CNTNAP2: variants seen among roughly 807,000 people sequenced by gnomAD.
The protein encoded by CNTNAP2 is contactin associated protein 2, also known as contactin-associated protein-like 2.
Under a neutral mutation model 155.2 loss-of-function variants are expected in CNTNAP2, and 98 were observed. That is an observed-to-expected ratio of 0.63 (90% CI 0.54 to 0.75). The LOEUF is 0.75. CNTNAP2 is among the 30% of genes least tolerant of loss of function. The pLI is 0.00. For synonymous variants in CNTNAP2, 651 were observed against 631.2 expected (o/e 1.03, Z -0.47); for missense variants, 1,727 against 1,688.1 (o/e 1.02, Z -0.40).
At chr7:148,229,350 C>T (rs1268763719) in intron 19 of CNTNAP2, among the ~76,000 whole-genome samples, 5 of 152,016 alleles carry the variant, frequency 3.3e-5, no homozygotes, top group Non-Finnish European at 7.4e-5. Context: ...ATGGTGAAAC[C>T]CCCATCACTA....
intron 1 of CNTNAP2, among the ~76,000 whole-genome samples, chr7:146,457,541 C>G (rs1480305584): frequency 3.3e-5 from 4 of 121,490 alleles, no homozygotes; most frequent in African/African-American, 1.2e-4. Context: ...TATATAGTCA[C>G]CCAGGCTGGA....
intron 13 of CNTNAP2, among the ~76,000 whole-genome samples, chr7:147,897,674 G>A (rs1351905895): frequency 6.6e-6 from 1 of 152,158 alleles, no homozygotes; most frequent in African/African-American, 2.4e-5. Context: ...AACATGGCCA[G>A]AGATGGAATC....
chr7:147,738,112 C>T (rs6979848), intron 13 of CNTNAP2, among the ~76,000 whole-genome samples: 4,336 of 152,216 alleles, frequency 0.028, 170 homozygotes, highest in African/African-American at 0.094. Context: ...GTGTCACTTA[C>T]GCTGGGAGCT....
chr7:147,267,063 T>C (rs547135188), intron 8 of CNTNAP2, among the ~76,000 whole-genome samples: 21 of 152,352 alleles, frequency 1.4e-4, no homozygotes, highest in Non-Finnish European at 2.4e-4. Flanking sequence ...TTCTATGGCC[T>C]CTTGGCTTTC....
At chr7:146,824,901 A>G in intron 2 of CNTNAP2, among the ~76,000 whole-genome samples, 1 of 147,730 alleles carries the variant, frequency 6.8e-6, no homozygotes. Flanking sequence ...TATTTTCTCT[A>G]CATTGTCATT....
intron 22 of CNTNAP2, among the ~76,000 whole-genome samples, chr7:148,402,199 G>T (rs1385088475): frequency 1.3e-5 from 2 of 152,128 alleles, no homozygotes; most frequent in African/African-American, 4.8e-5. Flanking sequence ...CATGAAAGCA[G>T]CTGCCACTTT....
intron 3 of CNTNAP2, among the ~76,000 whole-genome samples, chr7:146,886,307 C>G (rs1182630096): frequency 6.7e-6 from 1 of 149,978 alleles, no homozygotes; most frequent in African/African-American, 2.4e-5. Flanking sequence ...ATCTTTATAC[C>G]AAGATAGCAC....
intron 16 of CNTNAP2, among the ~76,000 whole-genome samples, chr7:148,118,967 G>GGTTA (rs1804538335): frequency 6.6e-6 from 1 of 152,190 alleles, no homozygotes; most frequent in African/African-American, 2.4e-5. Flanking sequence ...GGAAGGTGGG[G>GGTTA]GTTAGCTGCA....
intron 8 of CNTNAP2, among the ~76,000 whole-genome samples, chr7:147,213,293 A>T (rs1803197063): frequency 6.6e-6 from 1 of 152,162 alleles, no homozygotes; most frequent in South Asian, 2.1e-4. Context: ...CAATGGATTA[A>T]ATAATGTCTA....
In CNTNAP2 at chr7:147,893,652, T is replaced by C. The variant is rs368561740; in HGVS notation, c.2099-9913T>C. Among the ~76,000 whole-genome samples the C allele has an allele frequency of 5.3e-5, 8 of 152,300 alleles. No individual in the cohort carries two copies. The East Asian group carries it at 7.7e-4, about 15-fold the overall frequency. On this transcript the variant is annotated intron_variant, in intron 13 of 23. Coordinates refer to ENST00000361727, the MANE Select transcript of CNTNAP2 (RefSeq NM_014141.6). ...TGTTTACAAGATCTTAGTGGAATCA[T>C]AGGGAAATTGAAAACCCTTCCCTAT...
chr7:146,660,766 A>T (rs577579430), intron 1 of CNTNAP2, among the ~76,000 whole-genome samples: 1 of 152,316 alleles, frequency 6.6e-6, no homozygotes, highest in South Asian at 2.1e-4. Context: ...AACAAATGTT[A>T]TATCTTTTAT....
intron 14 of CNTNAP2, among the ~76,000 whole-genome samples, chr7:147,949,114 T>C (rs1800874903): frequency 1.3e-5 from 2 of 151,248 alleles, no homozygotes; most frequent in Admixed American, 1.3e-4. Flanking sequence ...GGCAGGAGAA[T>C]CGCTTGAACC....
intron 8 of CNTNAP2, among the ~76,000 whole-genome samples, chr7:147,235,520 T>C (rs1344036462): frequency 6.6e-6 from 1 of 152,200 alleles, no homozygotes; most frequent in East Asian, 1.9e-4. Context: ...GTGGAGGTAC[T>C]TTGAAATATA....
chr7:146,165,605 A>C (rs1798300548), intron 1 of CNTNAP2, among the ~76,000 whole-genome samples: 1 of 152,194 alleles, frequency 6.6e-6, no homozygotes, highest in African/African-American at 2.4e-5. Context: ...TTTAAATTGC[A>C]CTATGGCTTT....
At chr7:147,815,112 A>T (rs1176446130) in intron 13 of CNTNAP2, among the ~76,000 whole-genome samples, 1 of 152,178 alleles carries the variant, frequency 6.6e-6, no homozygotes, top group Non-Finnish European at 1.5e-5. Context: ...TTAATTAGAG[A>T]GTATGATGCC....
intron 4 of CNTNAP2, among the ~76,000 whole-genome samples, chr7:147,092,869 G>T (rs1800436535): frequency 6.6e-6 from 1 of 152,076 alleles, no homozygotes; most frequent in Non-Finnish European, 1.5e-5. Flanking sequence ...TGAGTGATTG[G>T]CCTTTGTATG....
At chr7:148,231,218 G>T (rs1563004259) in intron 20 of CNTNAP2, among the ~76,000 whole-genome samples, 1 of 152,170 alleles carries the variant, frequency 6.6e-6, no homozygotes. Context: ...ACTTGAGGAA[G>T]GGGAGAGGAG....
chr7:146,495,482 G>A (rs981633146), intron 1 of CNTNAP2, among the ~76,000 whole-genome samples: 1 of 149,778 alleles, frequency 6.7e-6, no homozygotes, highest in African/African-American at 2.5e-5. Context: ...CTCGTTTTCA[G>A]TTTCCTCCCC....
intron 8 of CNTNAP2, among the ~76,000 whole-genome samples, chr7:147,199,106 C>G (rs902032779): frequency 6.6e-6 from 1 of 151,894 alleles, no homozygotes; most frequent in Non-Finnish European, 1.5e-5. Flanking sequence ...GGACTACAGG[C>G]GCACACCGTC....
Sources: allele counts gnomAD v4.1 joint callset (sites outside exome capture counted in the v4.1 genomes callset), GRCh38; gene constraint gnomAD v4.1.1; transcripts MANE v1.5; gene names NCBI Gene and HGNC (gene_info 2026-07-23, HGNC 2026-07-21).